The following POLR1B variants were observed in gnomAD, a reference collection of about 807,000 sequenced individuals.
POLR1B encodes the protein DNA-directed RNA polymerase I subunit RPA2.
POLR1B carries 30 observed loss-of-function variants against 105.8 expected under a neutral mutation model. The observed-to-expected ratio is 0.28, with a 90% confidence interval of 0.21 to 0.38. POLR1B has a LOEUF of 0.38. Ranked by LOEUF, POLR1B falls within the 10% of genes least tolerant of loss-of-function variation. The pLI, the probability that POLR1B is intolerant of heterozygous loss-of-function variation, is 1.00. For missense variants in POLR1B, 976 were observed against 1,435.8 expected, an observed-to-expected ratio of 0.68 and a Z score of 5.17; for synonymous variants, 485 against 505.1, an observed-to-expected ratio of 0.96 and a Z score of 0.53.
chr2:112,564,644 TG>T, intron 10 of POLR1B, 145 bp downstream of exon 10: 1 of 1,135,778 alleles, frequency 8.8e-7, no homozygotes, highest in Non-Finnish European at 1.3e-6. Context: ...GCATTCCCTC[TG>T]GTGACAGAGG....
chr2:112,558,795 T>G (rs938523192), intron 8 of POLR1B, among the ~76,000 whole-genome samples: 4 of 151,960 alleles, frequency 2.6e-5, no homozygotes, highest in Admixed American at 2.6e-4. Context: ...ATTTTTGTAT[T>G]TTTTGTAGAG....
chr2:112,554,613 T>C (rs990543790), intron 7 of POLR1B: 1 of 152,124 alleles, frequency 6.6e-6, no homozygotes, highest in Non-Finnish European at 1.5e-5. Flanking sequence ...TGTTATTAAA[T>C]TAACCTTTCA....
intron 9 of POLR1B, among the ~76,000 whole-genome samples, chr2:112,564,050 A>G (rs1441356118): frequency 2.6e-5 from 4 of 151,932 alleles, no homozygotes; most frequent in Non-Finnish European, 5.9e-5. Flanking sequence ...CTACAAGTCC[A>G]GTAGTAACAT....
rs1461729956 is a variant in POLR1B, at chr2:112,577,381, GCAA to G, written c.*1657_*1659del. ...GCGAGACTTCATCTCTACAAAAAAAGCAACAACGACAAAAAAAATTAGCCAAGC... is the reference window on the plus strand; with the variant it reads ...GCGAGACTTCATCTCTACAAAAAAAGCAACGACAAAAAAAATTAGCCAAGC... On this transcript the variant is annotated 3_prime_UTR_variant, in exon 15 of 15. Coordinates refer to ENST00000263331, the MANE Select transcript of POLR1B (RefSeq NM_019014.6). Among the ~76,000 whole-genome samples the G allele has an allele frequency of 6.6e-6, 1 of 152,042 alleles. No homozygotes were observed. Among genetic ancestry groups the G allele is most frequent in the Non-Finnish European group, 1.5e-5 (1 of 67,988 alleles).
intron 8 of POLR1B, among the ~76,000 whole-genome samples, chr2:112,558,878 C>G (rs1267810632): frequency 1.3e-5 from 2 of 150,422 alleles, no homozygotes; most frequent in African/African-American, 4.9e-5. Flanking sequence ...CTTGGCCTCC[C>G]AAAGTGCTGG....
intron 8 of POLR1B, 32 bp from the exon 9 acceptor site, chr2:112,559,261 G>T (rs1433783963): frequency 1.2e-6 from 2 of 1,605,998 alleles, no homozygotes; most frequent in Admixed American, 3.4e-5. Flanking sequence ...CAAAAGATTG[G>T]CCCATTTTTG....
At chr2:112,555,189 A>G (rs997508258) in intron 7 of POLR1B, among the ~76,000 whole-genome samples, 2 of 151,630 alleles carry the variant, frequency 1.3e-5, no homozygotes, top group Non-Finnish European at 2.9e-5. Flanking sequence ...TCCAAAAAAA[A>G]CCTGTTAGCT....
chr2:112,567,863 C>A (rs776075894), intron 10 of POLR1B, 104 bp from the exon 11 acceptor site: 303 of 973,952 alleles, frequency 3.1e-4, no homozygotes, highest in Non-Finnish European at 3.8e-4. Flanking sequence ...AGGGCTTTTA[C>A]CATGGCTGAG....
intron 1 of POLR1B, 93 bp downstream of exon 1, chr2:112,542,764 T>A (rs1190812069): frequency 2.7e-6 from 4 of 1,460,078 alleles, no homozygotes; most frequent in Non-Finnish European, 3.7e-6. Flanking sequence ...ATGCATGTGC[T>A]CCTTGATCCT....
chr2:112,571,765 A>G (rs1301896418), intron 12 of POLR1B, among the ~76,000 whole-genome samples: 1 of 152,190 alleles, frequency 6.6e-6, no homozygotes, highest in East Asian at 1.9e-4. Flanking sequence ...GTTTCTATCT[A>G]AGTTGTAGCT....
At chr2:112,558,105 G>C (rs376269723) in intron 8 of POLR1B, 24 bp downstream of exon 8, 1 of 1,313,646 alleles carries the variant, frequency 7.6e-7, no homozygotes, top group African/African-American at 1.5e-5. Context: ...GATCGTTTTA[G>C]TTATGTTTTT....
chr2:112,558,645 G>C (rs1270755460), intron 8 of POLR1B, among the ~76,000 whole-genome samples: 1 of 151,726 alleles, frequency 6.6e-6, no homozygotes, highest in African/African-American at 2.4e-5. Flanking sequence ...TTGAGTCAGG[G>C]TCTCACTCTG....
At chr2:112,553,125 A>G (rs890388026) in intron 7 of POLR1B, among the ~76,000 whole-genome samples, 5 of 152,338 alleles carry the variant, frequency 3.3e-5, no homozygotes, top group South Asian at 4.1e-4. Context: ...GTATTTGTGA[A>G]TTCACTCACT....
chr2:112,545,806 A>AT, intron 1 of POLR1B: 2 of 366,100 alleles, frequency 5.5e-6, no homozygotes, highest in Admixed American at 3.5e-5. Flanking sequence ...TGCCCGGCTA[A>AT]TTTTTTTATT....
At chr2:112,563,503 T>C (rs1402111000) in intron 9 of POLR1B, among the ~76,000 whole-genome samples, 1 of 152,228 alleles carries the variant, frequency 6.6e-6, no homozygotes, top group Non-Finnish European at 1.5e-5. Flanking sequence ...CCTCAAACCC[T>C]GCCGCTGTTT....
chr2:112,548,853 G>A (rs1046824976), intron 3 of POLR1B, among the ~76,000 whole-genome samples: 1 of 152,226 alleles, frequency 6.6e-6, no homozygotes, highest in Admixed American at 6.5e-5. Flanking sequence ...ACCTTGTGAT[G>A]CTCCTGTCTC....
chr2:112,573,747 G>A lies in POLR1B; in HGVS notation c.2457G>A (p.Leu819=), dbSNP rs369952076. The A allele has an allele frequency of 8.1e-6, 13 of 1,614,108 alleles. No homozygotes were observed. Among genetic ancestry groups the A allele is most frequent in the African/African-American group, 1.3e-5 (1 of 74,932 alleles). The change falls in exon 14 of 15, where the codon CTG becomes CTA. Residue 819 remains leucine, a synonymous_variant. Transcript: ENST00000263331. The stretch of plus-strand genomic sequence containing the variant: ...GATTGCCGTTTATAGGAGCAAAACT[G>A]CAGTACGGAGATCCGTATTACAGCT... ...DDGLPFIGAK[L]QYGDPYYSYL...
intron 3 of POLR1B, chr2:112,548,075 G>A (rs1160816586): frequency 6.5e-6 from 1 of 152,674 alleles, no homozygotes; most frequent in Non-Finnish European, 1.5e-5. Context: ...AAAAATGTCT[G>A]CTTTGCTAAC....
chr2:112,548,609 ATCTT>A (rs1683184252), intron 3 of POLR1B, among the ~76,000 whole-genome samples: 2 of 151,112 alleles, frequency 1.3e-5, no homozygotes, highest in African/African-American at 4.9e-5. Flanking sequence ...TACAGTTTTT[ATCTT>A]TCTTTTTTTT....
Sources: gnomAD v4.1 joint callset for allele counts (sites outside exome capture counted in the v4.1 genomes callset) on GRCh38, gnomAD v4.1.1 for gene constraint, MANE v1.5 for transcripts, NCBI Gene and HGNC (gene_info 2026-07-23, HGNC 2026-07-21) for gene names.